The following NFIB variants were observed in gnomAD, a reference collection of about 807,000 sequenced individuals.
The protein encoded by NFIB is nuclear factor I B.
Under a neutral mutation model 61.5 loss-of-function variants are expected in NFIB, and 11 were observed. That is an observed-to-expected ratio of 0.18 (90% CI 0.11 to 0.30). NFIB has a LOEUF of 0.30. NFIB is among the 10% of genes least tolerant of loss of function. NFIB has a pLI of 1.00. For missense variants in NFIB, 471 were observed against 608.9 expected (o/e 0.77, Z 2.38); for synonymous variants, 260 against 216.5 (o/e 1.20, Z -1.76).
intron 1 of NFIB, among the ~76,000 whole-genome samples, chr9:14,343,378 C>T (rs895474151): frequency 3.3e-5 from 5 of 152,098 alleles, no homozygotes; most frequent in African/African-American, 2.4e-5. Context: ...GCTGCAGCTG[C>T]CCTCCCTATT....
the NFIB span, among the ~76,000 whole-genome samples, chr9:14,412,951 C>A: frequency 6.6e-6 from 1 of 152,188 alleles, no homozygotes; most frequent in Non-Finnish European, 1.5e-5. Context: ...GGGCTCAGCC[C>A]TGCCCACTCC....
the NFIB span, among the ~76,000 whole-genome samples, chr9:14,476,913 C>T: frequency 1.3e-5 from 2 of 152,294 alleles, no homozygotes; most frequent in African/African-American, 2.4e-5. Flanking sequence ...TAGCATGTTT[C>T]ATGGATTATA....
intron 3 of NFIB, among the ~76,000 whole-genome samples, chr9:14,167,206 G>A (rs1386256732): frequency 1.3e-5 from 2 of 151,952 alleles, no homozygotes; most frequent in Non-Finnish European, 2.9e-5. Flanking sequence ...TAGAGGAAAC[G>A]TCATCATCCT....
At position 14,286,276 on chromosome 9, in the gene NFIB, AG is replaced by A. The variant is rs1243538492; in HGVS notation, c.562+20712del. Among the ~76,000 whole-genome samples the A allele has an allele frequency of 2.0e-5, 3 of 152,178 alleles. No homozygotes were observed. The East Asian group carries it at 5.8e-4, about 29-fold the overall frequency. ...TCTTGCTTACTCACTTTTGAATGGG[AG>A]GGTGCTAGGGCCACTCAGAACCCAA... On this transcript the variant is annotated intron_variant, in intron 2 of 10. Coordinates refer to ENST00000380953, the MANE Select transcript of NFIB (RefSeq NM_001190737.2).
rs1234159982 is a variant in NFIB, at chr9:14,084,971, AAG to A, written c.*3336_*3337del. On this transcript the variant is annotated 3_prime_UTR_variant, in exon 11 of 11. Coordinates refer to ENST00000380953, the MANE Select transcript of NFIB (RefSeq NM_001190737.2). ...TAGCTAGAACTGCTCACTGGCAAAA[AAG>A]AGAGCGAGTCTGCCTTTAAAAAATA... 1.7e-5 allele frequency: 4 copies of A among 230,174 alleles called. No individual in the cohort carries two copies. Among genetic ancestry groups the A allele is most frequent in the African/African-American group, 6.6e-5 (3 of 45,260 alleles). The allele number at this position is 230,174 out of a possible 1,614,324, so 14.3% of individuals were successfully genotyped here.
At chr9:14,380,202 CCCTTTTA>C (rs1020169171) in intron 1 of NFIB, among the ~76,000 whole-genome samples, 27 of 152,158 alleles carry the variant, frequency 1.8e-4, no homozygotes, top group African/African-American at 5.8e-4. Context: ...CACAAAAACT[CCCTTTTA>C]CCAAGGTCTG....
chr9:14,374,715 G>A (rs1014459242), intron 1 of NFIB, among the ~76,000 whole-genome samples: 9 of 152,158 alleles, frequency 5.9e-5, no homozygotes, highest in Admixed American at 3.3e-4. Context: ...TTCGAGACCA[G>A]CCTGGCCAAC....
intron 2 of NFIB, among the ~76,000 whole-genome samples, chr9:14,206,862 A>G (rs1436868097): frequency 1.3e-5 from 2 of 152,150 alleles, no homozygotes; most frequent in Non-Finnish European, 2.9e-5. Flanking sequence ...ACTGCACAAG[A>G]CAGTGCAACG....
chr9:14,151,032 T>C (rs1167101990), intron 4 of NFIB, among the ~76,000 whole-genome samples: 1 of 152,166 alleles, frequency 6.6e-6, no homozygotes, highest in African/African-American at 2.4e-5. Context: ...AGCAGAGTCT[T>C]GAGAGATAAA....
At chr9:14,124,484 T>TA (rs1474407634) in intron 7 of NFIB, among the ~76,000 whole-genome samples, 3 of 152,200 alleles carry the variant, frequency 2.0e-5, no homozygotes, top group Non-Finnish European at 4.4e-5. Flanking sequence ...AACATATACT[T>TA]ACAAACCAAA....
At chr9:14,392,823 G>T (rs2061641179) in intron 1 of NFIB, among the ~76,000 whole-genome samples, 1 of 152,180 alleles carries the variant, frequency 6.6e-6, no homozygotes, top group Non-Finnish European at 1.5e-5. Context: ...TTGGCACATA[G>T]TACATGCTAA....
chr9:14,237,130 TAAACAATTGAA>T (rs2053821748), intron 2 of NFIB, among the ~76,000 whole-genome samples: 3 of 152,146 alleles, frequency 2.0e-5, no homozygotes, highest in Admixed American at 6.5e-5. Flanking sequence ...TGCATAAACA[TAAACAATTGAA>T]TTTAGCCCTA....
chr9:14,245,970 T>C (rs1394082579), intron 2 of NFIB, among the ~76,000 whole-genome samples: 1 of 151,896 alleles, frequency 6.6e-6, no homozygotes, highest in African/African-American at 2.4e-5. Flanking sequence ...GAGTTTACTG[T>C]AAATATCCAT....
Position 14,083,028 on chromosome 9 carries a change from C to A in NFIB, c.*5281G>T. 4.8e-6 allele frequency: 1 copy of A among 206,236 alleles called. No individual in the cohort carries two copies. Among genetic ancestry groups the A allele is most frequent in the Non-Finnish European group, 9.9e-6 (1 of 101,236 alleles). The allele number at this position is 206,236 out of a possible 1,614,324, so 12.8% of individuals were successfully genotyped here. ...GTGGCACTGAAGCGCTTTTCACAAT[C>A]TCAACATACATTTGAATTGCAACAC... is the stretch of plus-strand genomic sequence containing the variant. On this transcript the variant is annotated 3_prime_UTR_variant, in exon 11 of 11. Coordinates refer to ENST00000380953, the MANE Select transcript of NFIB (RefSeq NM_001190737.2).
intron 2 of NFIB, among the ~76,000 whole-genome samples, chr9:14,249,784 T>C (rs1779092134): frequency 6.6e-6 from 1 of 151,800 alleles, no homozygotes; most frequent in Admixed American, 6.6e-5. Context: ...GAGGGGAAGG[T>C]AATTCCACAA....
intron 1 of NFIB, among the ~76,000 whole-genome samples, chr9:14,394,128 G>C (rs1316444318): frequency 6.6e-6 from 1 of 152,146 alleles, no homozygotes; most frequent in African/African-American, 2.4e-5. Flanking sequence ...GCAGATGCAG[G>C]GGTGAATAAG....
At chr9:14,257,362 G>A (rs1263604855) in intron 2 of NFIB, among the ~76,000 whole-genome samples, 1 of 152,174 alleles carries the variant, frequency 6.6e-6, no homozygotes, top group Non-Finnish European at 1.5e-5. Context: ...CTGGATATTA[G>A]ACTGTGAATT....
Position 14,307,877 on chromosome 9 carries a change from T to C in NFIB, c.31-357A>G, listed in dbSNP as rs368860305. On this transcript the variant is annotated intron_variant, in intron 1 of 10. Coordinates refer to ENST00000380953, the MANE Select transcript of NFIB (RefSeq NM_001190737.2). The surrounding 1 kb of genome is among the most constrained non-coding windows in gnomAD (Gnocchi z 5.3). ...TAACTAAGGTGCTTGGCACCTAATA[T>C]AGTATTTCAATATTTGATTGACCAA... 8.4e-5 allele frequency: 15 copies of C among 178,712 alleles called. No individual in the cohort carries two copies. Among genetic ancestry groups the C allele is most frequent in the African/African-American group, 3.3e-4 (14 of 42,008 alleles). The allele number at this position is 178,712 out of a possible 1,614,324, so 11.1% of individuals were successfully genotyped here.
intron 6 of NFIB, among the ~76,000 whole-genome samples, chr9:14,145,295 T>A (rs1331471403): frequency 6.6e-6 from 1 of 152,140 alleles, no homozygotes; most frequent in Admixed American, 6.6e-5. Flanking sequence ...TATGCTTTTG[T>A]CTCAGTTCCC....
Sources: allele counts gnomAD v4.1 joint callset (sites outside exome capture counted in the v4.1 genomes callset), GRCh38; gene constraint gnomAD v4.1.1; non-coding constraint Gnocchi (gnomAD v3.1); transcripts MANE v1.5; gene names NCBI Gene and HGNC (gene_info 2026-07-23, HGNC 2026-07-21).